The following CECR2 variants were observed in gnomAD, a reference collection of about 807,000 sequenced individuals.
CECR2 encodes the protein chromatin remodeling regulator CECR2.
Under a neutral mutation model 154.5 loss-of-function variants are expected in CECR2, and 30 were observed. The ratio of observed to expected loss-of-function variants is 0.19; its 90% CI spans 0.15 to 0.26. The LOEUF (loss-of-function observed/expected upper bound fraction) is 0.26. Among genes scored for constraint, CECR2 ranks in the 10% least tolerant of loss-of-function variants. The probability of loss-of-function intolerance (pLI) is 1.00; values close to 1 mark genes in which losing one functional copy is unlikely to be tolerated. For synonymous variants in CECR2, 725 were observed against 683.7 expected (o/e 1.06, Z -0.94); for missense variants, 1,743 against 1,829.3 (o/e 0.95, Z 0.86).
At chr22:17,480,057 G>GCC (rs2146803517) in intron 2 of CECR2, among the ~76,000 whole-genome samples, 2 of 152,166 alleles carry the variant, frequency 1.3e-5, no homozygotes, top group East Asian at 3.9e-4. Context: ...ACTGTGCCTT[G>GCC]CCCCTACAAG....
rs748597487 is a variant in CECR2 at position 17,549,270 on chromosome 22, G to A, written c.3983G>A (p.Gly1328Glu). Residue 1328 changes from glycine (G) to glutamate (E), a missense_variant, in exon 17 of 19, where the codon GGA (glycine) becomes GAA (glutamate). Physicochemically the swap from Gly to Glu is moderately conservative, Grantham distance 98 (BLOSUM62 -2). Coordinates refer to ENST00000262608, the MANE Select transcript of CECR2 (RefSeq NM_001290047.2). ...LYGTPPPLSS[G>E]MGFGSSAFPP... ...GGAACTCCTCCGCCTCTGAGTTCAG[G>A]AATGGGATTTGGTTCATCTGCATTT... The A allele has an allele frequency of 6.2e-7, 1 of 1,613,990 alleles. No homozygotes were observed. The highest frequency in any genetic ancestry group is 1.1e-5 in the South Asian group (1 of 91,084).
chr22:17,496,066 T>A (rs1350512461), intron 2 of CECR2, among the ~76,000 whole-genome samples: 2 of 151,834 alleles, frequency 1.3e-5, no homozygotes, highest in African/African-American at 4.8e-5. Context: ...AAGAAAAAAT[T>A]TAAATTGCCA....
intron 2 of CECR2, among the ~76,000 whole-genome samples, chr22:17,491,580 T>TGGGGGG (rs140283240): frequency 9.3e-6 from 1 of 107,876 alleles, no homozygotes; most frequent in East Asian, 2.5e-4. Context: ...TGTGTGTGTG[T>TGGGGGG]GTGGGGGGGT....
rs556789375 is a variant in CECR2 at position 17,396,255 on chromosome 22, A to C, written c.126+26346A>C. On this transcript the variant is annotated intron_variant, in intron 1 of 18. Coordinates refer to ENST00000262608, the MANE Select transcript of CECR2 (RefSeq NM_001290047.2). Reference sequence around the variant, plus strand: ...GAGACCCTTTCTCAAAAAAAAAAAAAAAAACAAGGCCAGGCGCTGTGGCTC... The same window carrying C: ...GAGACCCTTTCTCAAAAAAAAAAAACAAAACAAGGCCAGGCGCTGTGGCTC... 1.8e-4 allele frequency among the ~76,000 whole-genome samples: 25 copies of C among 142,658 alleles called. 1 individual carries two copies. The highest frequency in any genetic ancestry group is 7.0e-4 in the Admixed American group (10 of 14,314). 93.6% of individuals were successfully genotyped at this position (142,658 alleles called of 152,430 possible). A position where few individuals can be genotyped will look rare whatever the true frequency, so the allele number is the denominator to read the frequency against.
intron 16 of CECR2, among the ~76,000 whole-genome samples, chr22:17,546,638 A>G (rs938456295): frequency 5.3e-5 from 8 of 152,160 alleles, no homozygotes; most frequent in African/African-American, 1.9e-4. Context: ...AGCTATGTTA[A>G]TAGCTCTTTA....
intron 1 of CECR2, among the ~76,000 whole-genome samples, chr22:17,403,273 T>TG (rs541975223): frequency 0.052 from 7,856 of 152,316 alleles, 307 homozygotes; most frequent in African/African-American, 0.12. Context: ...ATTTTTTTCT[T>TG]TTGGTACTGC....
In CECR2 at chr22:17,414,195, A is replaced by C. The variant is rs1224605222; in HGVS notation, c.126+44286A>C. ...CACTGTGTTAGCCAGGATGGTCTCG[A>C]TCGCCTGACCTCGTGATCCGCCCGC... On this transcript the variant is annotated intron_variant, in intron 1 of 18. Coordinates refer to ENST00000262608, the MANE Select transcript of CECR2 (RefSeq NM_001290047.2). 9.2e-5 allele frequency among the ~76,000 whole-genome samples: 14 copies of C among 151,632 alleles called. No individual in the cohort carries two copies. In the South Asian group the frequency reaches 1.0e-3, roughly 11 times the overall value.
intron 8 of CECR2, among the ~76,000 whole-genome samples, chr22:17,515,287 C>T (rs1469466209): frequency 6.6e-6 from 1 of 152,090 alleles, no homozygotes; most frequent in Admixed American, 6.5e-5. Flanking sequence ...AGAAAGTGGT[C>T]TGAGACAGGT....
chr22:17,372,620 A>T (rs2063073880), intron 1 of CECR2, among the ~76,000 whole-genome samples: 1 of 152,172 alleles, frequency 6.6e-6, no homozygotes, highest in Non-Finnish European at 1.5e-5. Context: ...GCGAGCCGAG[A>T]TCGTGCCATT....
At chr22:17,443,666 C>T (rs1030416944) in intron 1 of CECR2, among the ~76,000 whole-genome samples, 3 of 152,208 alleles carry the variant, frequency 2.0e-5, no homozygotes, top group African/African-American at 7.2e-5. Context: ...ACCTTCACAT[C>T]GCCTGTTCTG....
At chr22:17,508,951 A>T (rs1168693188) in intron 7 of CECR2, among the ~76,000 whole-genome samples, 1 of 152,338 alleles carries the variant, frequency 6.6e-6, no homozygotes, top group African/African-American at 2.4e-5. Context: ...TGCAACATTT[A>T]AAAATGTTGA....
chr22:17,547,358 T>C (rs546581352), intron 16 of CECR2, among the ~76,000 whole-genome samples: 1 of 152,080 alleles, frequency 6.6e-6, no homozygotes, highest in South Asian at 2.1e-4. Flanking sequence ...GCCTCCCGAA[T>C]AGCTGGGACT....
chr22:17,542,672 C>G lies in CECR2; in HGVS notation c.2529C>G (p.Pro843=). ...GVPSSGYMRP[P]CKSAGHRLQP... is the part of the protein sequence containing the mutation. ...CTTCCTCAGGGTACATGCGACCGCC[C>G]TGCAAGTCTGCCGGACATCGGTTAC... The change falls in exon 16 of 19, where the codon CCC becomes CCG. Residue 843 remains proline, a synonymous_variant. Transcript: ENST00000262608. 1 of 1,614,038 alleles carries G rather than the reference C, an allele frequency of 6.2e-7. No individual in the cohort carries two copies. The highest frequency in any genetic ancestry group is 1.3e-5 in the African/African-American group (1 of 75,044).
intron 8 of CECR2, 72 bp from the exon 9 acceptor site, chr22:17,524,046 A>T: frequency 8.2e-7 from 1 of 1,216,474 alleles, no homozygotes; most frequent in Non-Finnish European, 1.2e-6. Flanking sequence ...TACTGAATTC[A>T]ATGAACTGAG....
chr22:17,526,835 TA>T (rs2056274062), intron 9 of CECR2, among the ~76,000 whole-genome samples: 1 of 146,056 alleles, frequency 6.8e-6, no homozygotes, highest in South Asian at 2.2e-4. Flanking sequence ...AAAAAAGAAT[TA>T]TATCTAAGAC....
At chr22:17,465,742 C>T (rs576354872) in intron 1 of CECR2, among the ~76,000 whole-genome samples, 6 of 152,134 alleles carry the variant, frequency 3.9e-5, no homozygotes, top group African/African-American at 1.4e-4. Flanking sequence ...CTCAGCCTCC[C>T]AAAGTGCCAG....
intron 8 of CECR2, among the ~76,000 whole-genome samples, chr22:17,514,759 C>T (rs983704881): frequency 6.6e-6 from 1 of 152,102 alleles, no homozygotes; most frequent in Non-Finnish European, 1.5e-5. Flanking sequence ...GTGGGCCAGG[C>T]GCGGTGGCTC....
At chr22:17,382,786 T>C (rs1464607524) in intron 1 of CECR2, among the ~76,000 whole-genome samples, 1 of 151,988 alleles carries the variant, frequency 6.6e-6, no homozygotes, top group Non-Finnish European at 1.5e-5. Context: ...GCACCTGTTG[T>C]CCCAGCTATA....
rs1188249320 is a variant in CECR2, at chr22:17,556,828, A to G, written c.*3988A>G. 3 of 152,262 alleles carry G rather than the reference A, an allele frequency of 2.0e-5. No individual in the cohort carries two copies. Among genetic ancestry groups the G allele is most frequent in the East Asian group, 3.8e-4 (2 of 5,198 alleles). The allele number at this position is 152,262 out of a possible 1,614,324, so 9.4% of individuals were successfully genotyped here. A position where few individuals can be genotyped will look rare whatever the true frequency, so the allele number is the denominator to read the frequency against. On this transcript the variant is annotated 3_prime_UTR_variant, in exon 19 of 19. Coordinates refer to ENST00000262608, the MANE Select transcript of CECR2 (RefSeq NM_001290047.2). ...CCGCATTGCAGAAAATCAGTCCCAT[A>G]TATTAGTGAGCCATGTACTGCCCAA...
Sources: allele counts gnomAD v4.1 joint callset (sites outside exome capture counted in the v4.1 genomes callset), GRCh38; gene constraint gnomAD v4.1.1; transcripts MANE v1.5; gene names NCBI Gene and HGNC (gene_info 2026-07-23, HGNC 2026-07-21).